ATP2C1: variants seen among roughly 807,000 people sequenced by gnomAD.
The protein encoded by ATP2C1 is calcium-transporting ATPase type 2C member 1.
ATP2C1 carries 31 observed loss-of-function variants against 120.5 expected under a neutral mutation model. The observed-to-expected ratio is 0.26, with a 90% CI of 0.19 to 0.35. ATP2C1 has a LOEUF of 0.35. ATP2C1 is among the 10% of genes least tolerant of loss of function. The pLI is 1.00. For missense variants in ATP2C1, 731 were observed against 1,107.5 expected (o/e 0.66, Z 4.83); for synonymous variants, 351 against 358.7 (o/e 0.98, Z 0.24).
At chr3:130,982,743 C>T (rs976497949) in intron 20 of ATP2C1, among the ~76,000 whole-genome samples, 3 of 152,092 alleles carry the variant, frequency 2.0e-5, no homozygotes, top group African/African-American at 7.2e-5. Context: ...GTTTCTGCAT[C>T]TTAAGGTATG....
chr3:130,893,112 AT>A (rs774639239), upstream of ATP2C1, among the ~76,000 whole-genome samples: 2 of 152,214 alleles, frequency 1.3e-5, no homozygotes, highest in African/African-American at 2.4e-5. Flanking sequence ...TCTGTTCAAC[AT>A]TATATGTCTG....
chr3:130,998,943 C>T (rs1294336237), intron 26 of ATP2C1, among the ~76,000 whole-genome samples: 2 of 152,056 alleles, frequency 1.3e-5, no homozygotes, highest in Non-Finnish European at 2.9e-5. Flanking sequence ...AGCATATTGT[C>T]CTTAAAAACT....
intron 1 of ATP2C1, among the ~76,000 whole-genome samples, chr3:130,854,575 ACT>A (rs2067777450): frequency 6.6e-6 from 1 of 152,190 alleles, no homozygotes; most frequent in Non-Finnish European, 1.5e-5. Context: ...CAAGCGGGAC[ACT>A]GAGTGTGGAA....
At chr3:130,895,504 A>AT (rs960053306) in intron 2 of ATP2C1, among the ~76,000 whole-genome samples, 17 of 152,030 alleles carry the variant, frequency 1.1e-4, no homozygotes, top group African/African-American at 2.9e-4. Context: ...TGAATAAGTG[A>AT]TTTTTTTTCC....
intron 20 of ATP2C1, among the ~76,000 whole-genome samples, chr3:130,984,054 T>G (rs2061889776): frequency 6.6e-6 from 1 of 152,192 alleles, no homozygotes; most frequent in Non-Finnish European, 1.5e-5. Context: ...GATCATATGG[T>G]AAGAGTATAT....
In ATP2C1 at chr3:131,002,918, A is replaced by G. The variant is rs1433588370; in HGVS notation, c.*1568A>G. On this transcript the variant is annotated 3_prime_UTR_variant, in exon 28 of 28. Transcript: ENST00000510168. The stretch of plus-strand genomic sequence containing the variant: ...CAAATGTACATTGTTCCATGTCGTT[A>G]GATGGAACATGGAAGCCATTGTCTA... 2 of 985,728 alleles carry G rather than the reference A, an allele frequency of 2.0e-6. No homozygotes were observed. The highest frequency in any genetic ancestry group is 2.4e-6 in the Non-Finnish European group (2 of 829,904). The allele number at this position is 985,728 out of a possible 1,614,324, so 61.1% of individuals were successfully genotyped here. A position where few individuals can be genotyped will look rare whatever the true frequency, so the allele number is the denominator to read the frequency against.
intron 22 of ATP2C1, among the ~76,000 whole-genome samples, chr3:130,994,601 A>G (rs139140981): frequency 2.2e-3 from 330 of 152,260 alleles, no homozygotes; most frequent in African/African-American, 7.4e-3. Flanking sequence ...AGTGTAATAC[A>G]TGGTGGTGTC....
intron 1 of ATP2C1, among the ~76,000 whole-genome samples, chr3:130,857,476 C>T (rs539257433): frequency 1.1e-4 from 17 of 152,192 alleles, no homozygotes; most frequent in Non-Finnish European, 2.2e-4. Flanking sequence ...ACTCCCAAAC[C>T]GGTTGGTCTA....
At chr3:130,916,452 G>A (rs1200239743) in intron 2 of ATP2C1, among the ~76,000 whole-genome samples, 2 of 151,914 alleles carry the variant, frequency 1.3e-5, no homozygotes, top group African/African-American at 2.4e-5. Flanking sequence ...AAGTGAGGTC[G>A]AAACTATGAT....
intron 26 of ATP2C1, among the ~76,000 whole-genome samples, chr3:130,999,240 G>T (rs2062775751): frequency 6.6e-6 from 1 of 152,144 alleles, no homozygotes; most frequent in Non-Finnish European, 1.5e-5. Flanking sequence ...TGTTTGGGAT[G>T]TTAAAAGGTT....
chr3:130,950,114 T>C (rs2060308202), intron 8 of ATP2C1, among the ~76,000 whole-genome samples: 1 of 152,176 alleles, frequency 6.6e-6, no homozygotes, highest in Non-Finnish European at 1.5e-5. Flanking sequence ...ATTTGATTTC[T>C]TTCTCTCTAG....
intron 26 of ATP2C1, chr3:131,013,997 A>G: frequency 8.0e-7 from 1 of 1,254,886 alleles, no homozygotes; most frequent in South Asian, 1.5e-5. Context: ...CAAGGGTGGT[A>G]ACGGAAGAAT....
chr3:130,858,275 T>C (rs577348143), intron 1 of ATP2C1, among the ~76,000 whole-genome samples: 1 of 152,278 alleles, frequency 6.6e-6, no homozygotes, highest in South Asian at 2.1e-4. Context: ...TCCAATCAAG[T>C]TGACACTCAA....
chr3:131,011,351 GCTTT>G (rs1325853663), intron 26 of ATP2C1, among the ~76,000 whole-genome samples: 2 of 152,228 alleles, frequency 1.3e-5, no homozygotes, highest in African/African-American at 4.8e-5. Context: ...TGTCTCTGCA[GCTTT>G]CTCTCTAAAA....
chr3:130,903,649 T>TC (rs1559901678), intron 2 of ATP2C1, among the ~76,000 whole-genome samples: 1 of 150,850 alleles, frequency 6.6e-6, no homozygotes, highest in Non-Finnish European at 1.5e-5. Context: ...TGCCCCTTCC[T>TC]CCCCCCTTTC....
At chr3:130,931,426 A>G (rs1342807433) in intron 3 of ATP2C1, among the ~76,000 whole-genome samples, 1 of 152,152 alleles carries the variant, frequency 6.6e-6, no homozygotes, top group East Asian at 1.9e-4. Flanking sequence ...TGAGCATGAA[A>G]TAATTACACA....
intron 2 of ATP2C1, among the ~76,000 whole-genome samples, chr3:130,926,020 A>C (rs1166323173): frequency 6.6e-6 from 1 of 152,156 alleles, no homozygotes; most frequent in Non-Finnish European, 1.5e-5. Context: ...GTAGCCGGTT[A>C]CCAGGGTGGA....
intron 1 of ATP2C1, among the ~76,000 whole-genome samples, chr3:130,877,712 T>C: frequency 6.6e-6 from 1 of 152,110 alleles, no homozygotes; most frequent in Non-Finnish European, 1.5e-5. Flanking sequence ...AGTTCAACCA[T>C]TGTGGAAGTC....
chr3:130,961,551 G>A (rs2060820935), intron 12 of ATP2C1, among the ~76,000 whole-genome samples: 1 of 151,876 alleles, frequency 6.6e-6, no homozygotes, highest in African/African-American at 2.4e-5. Context: ...CAATAAGAAA[G>A]CAGAAAAATG....
Sources: allele counts gnomAD v4.1 joint callset (sites outside exome capture counted in the v4.1 genomes callset), GRCh38; gene constraint gnomAD v4.1.1; transcripts MANE v1.5; gene names NCBI Gene and HGNC (gene_info 2026-07-23, HGNC 2026-07-21).